Variants in GALNT13 observed in about 807,000 individuals in gnomAD.
GALNT13 encodes the protein polypeptide N-acetylgalactosaminyltransferase 13, also known as UDP-GalNAc:polypeptide N-acetylgalactosaminyltransferase 13.
Under a neutral mutation model 64.2 loss-of-function variants are expected in GALNT13, and 28 were observed. The observed-to-expected ratio is 0.44, with a 90% CI of 0.32 to 0.60. The LOEUF (loss-of-function observed/expected upper bound fraction) is 0.60. Ranked by LOEUF, GALNT13 falls within the 20% of genes least tolerant of loss-of-function variation. GALNT13 has a pLI of 0.05. For synonymous variants in GALNT13, 214 were observed against 224.6 expected, an observed-to-expected ratio of 0.95 and a Z score of 0.42; for missense variants, 577 against 669.8, an observed-to-expected ratio of 0.86 and a Z score of 1.53.
At chr2:153,587,786 T>G in the GALNT13 span, among the ~76,000 whole-genome samples, 1 of 152,198 alleles carries the variant, frequency 6.6e-6, no homozygotes. Flanking sequence ...CCCTAAAGTC[T>G]TAACTCATTT....
At chr2:154,029,987 A>G (rs972613293) in intron 3 of GALNT13, among the ~76,000 whole-genome samples, 1 of 152,146 alleles carries the variant, frequency 6.6e-6, no homozygotes, top group Non-Finnish European at 1.5e-5. Flanking sequence ...AAACGGGTAA[A>G]TTGAGAGCTG....
At chr2:153,672,144 G>C in the GALNT13 span, among the ~76,000 whole-genome samples, 1 of 152,098 alleles carries the variant, frequency 6.6e-6, no homozygotes, top group African/African-American at 2.4e-5. Flanking sequence ...ACAGATCAGA[G>C]AGACAGAAAA....
chr2:153,444,424 A>G, the GALNT13 span, among the ~76,000 whole-genome samples: 1 of 152,234 alleles, frequency 6.6e-6, no homozygotes, highest in African/African-American at 2.4e-5. Flanking sequence ...TATTTTGACT[A>G]TCATGATTGA....
At chr2:153,355,268 A>T in the GALNT13 span, among the ~76,000 whole-genome samples, 56 of 152,336 alleles carry the variant, frequency 3.7e-4, 1 homozygote, top group South Asian at 0.011. Context: ...GAATATGAAT[A>T]TTATAAGCAT....
chr2:154,288,268 C>T (rs1445559875), intron 8 of GALNT13, among the ~76,000 whole-genome samples: 1 of 151,962 alleles, frequency 6.6e-6, no homozygotes, highest in Non-Finnish European at 1.5e-5. Context: ...GATTCAAGTA[C>T]CTCCCACCAG....
Position 154,086,091 on chromosome 2 carries a change from T to C in GALNT13, c.143-54246T>C, listed in dbSNP as rs1701507710. Among the ~76,000 whole-genome samples, 3 of 149,402 alleles carry C rather than the reference T, an allele frequency of 2.0e-5. No individual in the cohort carries two copies. The Admixed American group carries it at 2.0e-4, about 10-fold the overall frequency. ...AAATACCCTTTTTCTTGAGCAATTA[T>C]GTGCTATTTATATATAATATATATT... On this transcript the variant is annotated intron_variant, in intron 3 of 12. Transcript: ENST00000392825.
rs1475577931 is a variant in GALNT13 at position 154,453,972 on chromosome 2, A to G, written c.*3421A>G. ...TATGAAATTTTATTAAAATGCTGCT[A>G]TATTACATAAGTTGCTTCATTAAGC... On this transcript the variant is annotated 3_prime_UTR_variant, in exon 13 of 13. Coordinates refer to ENST00000392825, the MANE Select transcript of GALNT13 (RefSeq NM_052917.4). 6 of 152,156 alleles carry G rather than the reference A, an allele frequency of 3.9e-5. No individual in the cohort carries two copies. The highest frequency in any genetic ancestry group is 5.9e-5 in the Non-Finnish European group (4 of 68,024). 9.4% of individuals were successfully genotyped at this position (152,156 alleles called of 1,614,324 possible).
the GALNT13 span, among the ~76,000 whole-genome samples, chr2:153,529,811 T>G: frequency 6.6e-6 from 1 of 152,016 alleles, no homozygotes; most frequent in Non-Finnish European, 1.5e-5. Flanking sequence ...AACCAAATGA[T>G]CCTTTGAATT....
intron 10 of GALNT13, among the ~76,000 whole-genome samples, chr2:154,407,132 C>A (rs770887475): frequency 6.6e-6 from 1 of 152,080 alleles, no homozygotes; most frequent in Non-Finnish European, 1.5e-5. Context: ...GCCTTACAAA[C>A]AATTCAAGCT....
At chr2:154,263,552 A>G (rs972034732) in intron 8 of GALNT13, among the ~76,000 whole-genome samples, 3 of 152,182 alleles carry the variant, frequency 2.0e-5, no homozygotes, top group African/African-American at 7.2e-5. Flanking sequence ...TGCAATATAC[A>G]TTAAAGTATA....
intron 3 of GALNT13, among the ~76,000 whole-genome samples, chr2:154,035,559 TA>T (rs1364897442): frequency 6.6e-6 from 1 of 152,058 alleles, no homozygotes; most frequent in African/African-American, 2.4e-5. Flanking sequence ...AAAATTATTT[TA>T]AAGTAGTTTG....
the GALNT13 span, among the ~76,000 whole-genome samples, chr2:153,784,363 C>T: frequency 6.6e-6 from 1 of 152,174 alleles, no homozygotes; most frequent in East Asian, 1.9e-4. Flanking sequence ...GAACTTTGAA[C>T]TTGAAAGAGA....
At chr2:153,369,436 G>A in the GALNT13 span, among the ~76,000 whole-genome samples, 1 of 152,074 alleles carries the variant, frequency 6.6e-6, no homozygotes, top group Non-Finnish European at 1.5e-5. Context: ...AAATAAGAGA[G>A]AACACATGAA....
chr2:154,294,256 C>A (rs905752817), intron 8 of GALNT13, among the ~76,000 whole-genome samples: 3 of 152,188 alleles, frequency 2.0e-5, no homozygotes, highest in African/African-American at 7.2e-5. Flanking sequence ...CTGTGAGAAT[C>A]AAAGTCAGAC....
At chr2:154,338,394 G>A (rs748199574) in intron 9 of GALNT13, among the ~76,000 whole-genome samples, 7 of 151,770 alleles carry the variant, frequency 4.6e-5, no homozygotes, top group Middle Eastern at 3.4e-3. Flanking sequence ...CATTGCCAGC[G>A]TTTTGAATAG....
At chr2:153,699,451 A>T in the GALNT13 span, among the ~76,000 whole-genome samples, 1 of 152,254 alleles carries the variant, frequency 6.6e-6, no homozygotes, top group African/African-American at 2.4e-5. Context: ...AGAGCAAACA[A>T]ATCCAAAAGC....
the GALNT13 span, among the ~76,000 whole-genome samples, chr2:153,632,849 T>G: frequency 6.6e-6 from 1 of 151,924 alleles, no homozygotes; most frequent in Non-Finnish European, 1.5e-5. Context: ...ACCTCCTGGG[T>G]TCAAGCAATT....
chr2:153,926,594 G>A (rs1189698274), intron 2 of GALNT13, among the ~76,000 whole-genome samples: 1 of 152,030 alleles, frequency 6.6e-6, no homozygotes, highest in Admixed American at 6.6e-5. Context: ...TTAGAATTTT[G>A]GAAACAGATT....
the GALNT13 span, among the ~76,000 whole-genome samples, chr2:153,439,223 G>A: frequency 0.04 from 6,103 of 152,170 alleles, 430 homozygotes; most frequent in African/African-American, 0.14. Context: ...GGTGTCAGCC[G>A]CCCCTACTTG....
Sources: gnomAD v4.1 joint callset for allele counts (sites outside exome capture counted in the v4.1 genomes callset) on GRCh38, gnomAD v4.1.1 for gene constraint, MANE v1.5 for transcripts, NCBI Gene and HGNC (gene_info 2026-07-23, HGNC 2026-07-21) for gene names.